Variants in ACVRL1 observed in about 807,000 individuals in gnomAD.
ACVRL1 encodes the protein activin A receptor like type 1.
Under a neutral mutation model 51.9 loss-of-function variants are expected in ACVRL1, and 20 were observed. The observed-to-expected ratio is 0.39, with a 90% CI of 0.27 to 0.56. ACVRL1 has a LOEUF of 0.56. Among genes scored for constraint, ACVRL1 ranks in the 20% least tolerant of loss-of-function variants. The pLI is 0.67. For missense variants in ACVRL1, 451 were observed against 670.3 expected (o/e 0.67, Z 3.61); for synonymous variants, 288 against 280.9 (o/e 1.03, Z -0.25).
Position 51,913,115 on chromosome 12 carries a change from G to A in ACVRL1, c.78G>A (p.Pro26=), listed in dbSNP as rs774167132. The change falls in exon 3 of 10, where the codon CCG becomes CCA. Residue 26 remains proline, a synonymous_variant. Coordinates refer to ENST00000388922, the MANE Select transcript of ACVRL1 (RefSeq NM_000020.3). ...GTCTTCCAGGAGACCCTGTGAAGCC[G>A]TCTCGGGGCCCGCTGGTGACCTGCA... ...ALVTQGDPVK[P]SRGPLVTCTC... is the part of the protein sequence containing the mutation. 50 of 1,605,422 alleles carry A rather than the reference G, an allele frequency of 3.1e-5. No homozygotes were observed. The East Asian group carries it at 4.9e-4, about 16-fold the overall frequency.
At chr12:51,907,309 G>C (rs974805458), upstream of ACVRL1, 1 of 152,150 alleles carries the variant, frequency 6.6e-6, no homozygotes, top group African/African-American at 2.4e-5. The surrounding 1 kb of genome is among the most constrained non-coding windows in gnomAD (Gnocchi z 4.5). Flanking sequence ...AGCTGCGGGC[G>C]GCTGGGAGGG....
chr12:51,910,040 G>T (rs1452503184), intron 1 of ACVRL1, among the ~76,000 whole-genome samples: 1 of 152,208 alleles, frequency 6.6e-6, no homozygotes, highest in Non-Finnish European at 1.5e-5. Context: ...TACAGAGTCA[G>T]CTCTGAGTTT....
intron 6 of ACVRL1, 94 bp from the exon 7 acceptor site, chr12:51,915,131 A>G: frequency 2.4e-6 from 3 of 1,234,198 alleles, no homozygotes; most frequent in East Asian, 2.4e-5. Context: ...GACCCAGTCC[A>G]TTCCCTCTCC....
In ACVRL1 at chr12:51,919,122, C is replaced by T. The variant is rs1940909643; in HGVS notation, c.1377+7C>T. The stretch of plus-strand genomic sequence containing the variant: ...CCGGCTGGCTGCAGACCCGGTGAGG[C>T]CTCTGCTGGGACTAGGATGGCGTGG... On this transcript the variant is annotated splice_region_variant and intron_variant, in intron 9 of 9. Coordinates refer to ENST00000388922, the MANE Select transcript of ACVRL1 (RefSeq NM_000020.3). The T allele has an allele frequency of 1.2e-6, 2 of 1,613,954 alleles. No individual in the cohort carries two copies. The highest frequency in any genetic ancestry group is 1.1e-5 in the South Asian group (1 of 91,076).
At chr12:51,919,503 C>G (rs2139085967) in intron 9 of ACVRL1, among the ~76,000 whole-genome samples, 1 of 152,100 alleles carries the variant, frequency 6.6e-6, no homozygotes, top group East Asian at 1.9e-4. Context: ...TCAACTGATC[C>G]TACTGCCTCA....
intron 7 of ACVRL1, 116 bp downstream of exon 7, chr12:51,915,616 G>A: frequency 7.4e-7 from 1 of 1,357,860 alleles, no homozygotes; most frequent in Non-Finnish European, 9.8e-7. Context: ...AGAGGTGCAT[G>A]TTGTTTCAGT....
intron 9 of ACVRL1, among the ~76,000 whole-genome samples, chr12:51,919,789 C>G (rs548531573): frequency 1.3e-5 from 2 of 152,272 alleles, no homozygotes; most frequent in African/African-American, 4.8e-5. Context: ...TACAAAGACA[C>G]ACACACGTAT....
chr12:51,908,520 A>T (rs55929712), intron 1 of ACVRL1, among the ~76,000 whole-genome samples: 2,215 of 152,062 alleles, frequency 0.015, 16 homozygotes, highest in Non-Finnish European at 0.025. Context: ...AGATATATAT[A>T]TTTTTTCTCA....
In ACVRL1 at chr12:51,914,547, T is replaced by C. The variant is rs1804508; in HGVS notation, c.734T>C (p.Ile245Thr). 1 of 1,613,462 alleles carries C rather than the reference T, an allele frequency of 6.2e-7. No individual in the cohort carries two copies. Among genetic ancestry groups the C allele is most frequent in the Admixed American group, 1.7e-5 (1 of 59,954 alleles). Reference protein sequence around the residue: ...DEQSWFRETEIYNTVLLRHDN... With the variant: ...DEQSWFRETETYNTVLLRHDN... ...CAGTCCTGGTTCCGGGAGACTGAGA[T>C]CTATAACACAGTGTTGCTCAGACAC... Residue 245 changes from isoleucine to threonine, a missense_variant, in exon 6 of 10, where the codon ATC becomes ACC. Coordinates refer to ENST00000388922, the MANE Select transcript of ACVRL1 (RefSeq NM_000020.3).
At chr12:51,920,175 C>A (rs1055057023) in intron 9 of ACVRL1, among the ~76,000 whole-genome samples, 4 of 152,172 alleles carry the variant, frequency 2.6e-5, no homozygotes, top group Non-Finnish European at 5.9e-5. Context: ...GGTTGATGAG[C>A]TTTTTGGGAT....
rs1203624545 is a variant in ACVRL1 at position 51,913,088 on chromosome 12, G to A, written c.62-11G>A. On this transcript the variant is annotated splice_polypyrimidine_tract_variant and intron_variant, in intron 2 of 9. Coordinates refer to ENST00000388922, the MANE Select transcript of ACVRL1 (RefSeq NM_000020.3). ...GGACCACAGTGGCTGAGCTTCCGGTGTGTCTTCCAGGAGACCCTGTGAAGC... is the reference window on the plus strand; with the variant it reads ...GGACCACAGTGGCTGAGCTTCCGGTATGTCTTCCAGGAGACCCTGTGAAGC... The A allele has an allele frequency of 3.1e-6, 5 of 1,600,198 alleles. No homozygotes were observed. Among genetic ancestry groups the A allele is most frequent in the Non-Finnish European group, 4.2e-6 (5 of 1,178,598 alleles).
intron 2 of ACVRL1, among the ~76,000 whole-genome samples, chr12:51,912,839 G>A (rs2139063526): frequency 6.6e-6 from 1 of 152,214 alleles, no homozygotes; most frequent in South Asian, 2.1e-4. Flanking sequence ...CAGGGCTGGG[G>A]CTGGGGGCCC....
chr12:51,911,625 G>A (rs537770307), intron 1 of ACVRL1, among the ~76,000 whole-genome samples: 389 of 152,328 alleles, frequency 2.6e-3, no homozygotes, highest in Non-Finnish European at 3.1e-3. Flanking sequence ...AGCGAAGAGA[G>A]CACTTGATTA....
Position 51,920,987 on chromosome 12 carries a change from G to T in ACVRL1, c.*94G>T. 7.0e-7 allele frequency: 1 copy of T among 1,422,006 alleles called. No homozygotes were observed. Among genetic ancestry groups the T allele is most frequent in the South Asian group, 1.2e-5 (1 of 80,938 alleles). The allele number at this position is 1,422,006 out of a possible 1,614,324, so 88.1% of individuals were successfully genotyped here. On this transcript the variant is annotated 3_prime_UTR_variant, in exon 10 of 10. Coordinates refer to ENST00000388922, the MANE Select transcript of ACVRL1 (RefSeq NM_000020.3). ...ATCTGGGTAGAGGTAGTGTGAGTGT[G>T]GTGTGTGCTGGGGATGGGCAGCTGC... is the stretch of plus-strand genomic sequence containing the variant.
rs187703439 is a variant in ACVRL1, at chr12:51,909,558, T to C, written c.-6+1863T>C. Among the ~76,000 whole-genome samples, 527 of 152,096 alleles carry C rather than the reference T, an allele frequency of 3.5e-3. 1 individual carries two copies. Among genetic ancestry groups the C allele is most frequent in the Middle Eastern group, 6.8e-3 (2 of 294 alleles). On this transcript the variant is annotated intron_variant, in intron 1 of 9. Transcript: ENST00000388922. ...AAACAAATCTGAGTAGGGCACCCGT[T>C]AATAACAACAGTAGTGGGCAATTTG...
intron 9 of ACVRL1, 52 bp downstream of exon 9, chr12:51,919,167 G>T: frequency 6.2e-7 from 1 of 1,612,858 alleles, no homozygotes; most frequent in Non-Finnish European, 8.5e-7. Flanking sequence ...TCATGGCTGG[G>T]ATTTCTGGGC....
intron 8 of ACVRL1, among the ~76,000 whole-genome samples, chr12:51,918,052 C>T (rs912518510): frequency 7.2e-5 from 11 of 152,218 alleles, no homozygotes; most frequent in Admixed American, 2.0e-4. Flanking sequence ...ATCGAGGTTG[C>T]GGCCTGTGTG....
In ACVRL1 at chr12:51,917,994, G is replaced by A. The variant is rs1212425309; in HGVS notation, c.1247-991G>A. ...ACTGATTAGGGCGTGAGCGGCACAG[G>A]GGCCGGCCTGGAAGCTGGCCATGGG... is the stretch of plus-strand genomic sequence containing the variant. On this transcript the variant is annotated intron_variant, in intron 8 of 9. Transcript: ENST00000388922. This position sits in a 1 kb window ranked among gnomAD's most constrained non-coding sequence, Gnocchi z 4.2. Among the ~76,000 whole-genome samples the A allele has an allele frequency of 2.0e-5, 3 of 152,236 alleles. No individual in the cohort carries two copies. Among genetic ancestry groups the A allele is most frequent in the African/African-American group, 4.8e-5 (2 of 41,462 alleles).
intron 2 of ACVRL1, 117 bp downstream of exon 2, chr12:51,912,652 G>A: frequency 2.2e-6 from 2 of 898,026 alleles, no homozygotes; most frequent in South Asian, 2.9e-5. Flanking sequence ...GTAGGAGCTT[G>A]ACTGGAGAGT....
Sources: gnomAD v4.1 joint callset for allele counts (sites outside exome capture counted in the v4.1 genomes callset) on GRCh38, gnomAD v4.1.1 for gene constraint, Gnocchi (gnomAD v3.1) non-coding constraint, MANE v1.5 for transcripts, NCBI Gene and HGNC (gene_info 2026-07-23, HGNC 2026-07-21) for gene names.